MED13L: variants seen among roughly 807,000 people sequenced by gnomAD.
MED13L encodes the protein mediator complex subunit 13L.
Under a neutral mutation model 220.9 loss-of-function variants are expected in MED13L, and 7 were observed. The ratio of observed to expected loss-of-function variants is 0.03; its 90% confidence interval spans 0.02 to 0.06. MED13L has a LOEUF of 0.06. Among genes scored for constraint, MED13L ranks in the 10% least tolerant of loss-of-function variants. The pLI is 1.00. For synonymous variants in MED13L, 1,011 were observed against 1,015.2 expected (o/e 1.00, Z 0.08); for missense variants, 1,965 against 2,760.5 (o/e 0.71, Z 6.46).
Position 115,961,287 on chromosome 12 carries a change from A to G in MED13L, c.6612T>C (p.Asn2204=). 1 of 1,614,218 alleles carries G rather than the reference A, an allele frequency of 6.2e-7. No homozygotes were observed. The highest frequency in any genetic ancestry group is 1.1e-5 in the South Asian group (1 of 91,088). Residue 2204 remains asparagine (N), a synonymous_variant, in exon 31 of 31, where the codon AAT becomes AAC. Coordinates refer to ENST00000281928, the MANE Select transcript of MED13L (RefSeq NM_015335.5). ...CCAATTAAAGTATATTCATGATGGC[A>G]TTGTACAACTGAGTGAGCACCACAA... ...VHFVVLTQLY[N]AIMNIL
intron 2 of MED13L, among the ~76,000 whole-genome samples, chr12:116,142,724 TTAC>T (rs999930829): frequency 7.2e-5 from 11 of 152,228 alleles, no homozygotes; most frequent in African/African-American, 2.6e-4. Context: ...TTCACTTTAT[TTAC>T]TACTAAGTTC....
chr12:116,092,482 A>T (rs777371698), intron 4 of MED13L, among the ~76,000 whole-genome samples: 3 of 152,116 alleles, frequency 2.0e-5, no homozygotes, highest in Non-Finnish European at 4.4e-5. Flanking sequence ...GTTATCTTTG[A>T]GGAGATAAAG....
At chr12:116,173,452 C>T (rs1879825318) in intron 2 of MED13L, among the ~76,000 whole-genome samples, 1 of 152,094 alleles carries the variant, frequency 6.6e-6, no homozygotes, top group Non-Finnish European at 1.5e-5. Flanking sequence ...TTTAATAAGG[C>T]ACAGGACTGT....
intron 2 of MED13L, among the ~76,000 whole-genome samples, chr12:116,215,844 G>A (rs1266163031): frequency 6.6e-6 from 1 of 152,046 alleles, no homozygotes; most frequent in Admixed American, 6.6e-5. Context: ...TACCATCAAT[G>A]TCCCAGCCCC....
In MED13L at chr12:116,136,479, A is replaced by G. The variant is rs1876567446; in HGVS notation, c.311-24967T>C. On this transcript the variant is annotated intron_variant, in intron 2 of 30. Coordinates refer to ENST00000281928, the MANE Select transcript of MED13L (RefSeq NM_015335.5). ...ATGAGAGAGAGGGAGAGAGAGAGAA[A>G]GAACGATGCATTCACGCCAAATGAA... Among the ~76,000 whole-genome samples the G allele has an allele frequency of 2.0e-5, 3 of 152,318 alleles. No individual in the cohort carries two copies. In the South Asian group the frequency reaches 6.2e-4, roughly 32 times the overall value.
chr12:116,062,010 A>G (rs1404170393), intron 4 of MED13L, among the ~76,000 whole-genome samples: 108 of 2,564 alleles, frequency 0.042, no homozygotes, highest in African/African-American at 0.21. Context: ...TCCACATCGA[A>G]AAAAAAAAAA....
At position 116,272,568 on chromosome 12, in the gene MED13L, C is replaced by CA. The variant is rs879270242; in HGVS notation, c.72+4491dup. On this transcript the variant is annotated intron_variant, in intron 1 of 30. Transcript: ENST00000281928. ...CTCTGGTCTCAAAAAAAAACCAAAA[C>CA]AAAAAAAAAAAATGATAAGCTATAT... Among the ~76,000 whole-genome samples the CA allele has an allele frequency of 4.9e-3, 684 of 138,558 alleles. 2 individuals are homozygous for CA. The highest frequency in any genetic ancestry group is 7.9e-3 in the Admixed American group (110 of 13,956). The allele number at this position is 138,558 out of a possible 152,430, so 90.9% of individuals were successfully genotyped here. A position where few individuals can be genotyped will look rare whatever the true frequency, so the allele number is the denominator to read the frequency against.
In MED13L at chr12:115,982,470, T is replaced by C; in HGVS notation, c.5089A>G (p.Asn1697Asp). The stretch of plus-strand genomic sequence containing the variant: ...CGCATCAAGCTCAACAGCCAAAAGT[T>C]CCCAGAAGTGGAGTCCTCCTCTGCA... ...YAAEEDSTSG[N>D]FWLLSLMRCY... The change falls in exon 22 of 31, where the codon AAC becomes GAC. Residue 1697 changes from asparagine to aspartate, a missense_variant. Physicochemically the swap from Asn to Asp is conservative, Grantham distance 23. Transcript: ENST00000281928. 1 of 1,614,108 alleles carries C rather than the reference T, an allele frequency of 6.2e-7. No individual in the cohort carries two copies. The highest frequency in any genetic ancestry group is 8.5e-7 in the Non-Finnish European group (1 of 1,180,008).
chr12:116,149,045 T>A (rs970241073), intron 2 of MED13L, among the ~76,000 whole-genome samples: 1 of 152,220 alleles, frequency 6.6e-6, no homozygotes, highest in Non-Finnish European at 1.5e-5. Context: ...CAACTCATTG[T>A]TTGAGATACT....
At chr12:116,109,811 G>T (rs946409669) in intron 3 of MED13L, among the ~76,000 whole-genome samples, 2 of 152,134 alleles carry the variant, frequency 1.3e-5, no homozygotes, top group African/African-American at 4.8e-5. Flanking sequence ...GTACACCTTA[G>T]TAACAGATGA....
At chr12:116,233,864 G>C (rs1195179873) in intron 2 of MED13L, among the ~76,000 whole-genome samples, 2 of 152,166 alleles carry the variant, frequency 1.3e-5, no homozygotes, top group Non-Finnish European at 2.9e-5. Flanking sequence ...GTTTATCCAA[G>C]TGACAAGGAC....
chr12:116,183,027 T>C (rs1344639092), intron 2 of MED13L, among the ~76,000 whole-genome samples: 1 of 152,180 alleles, frequency 6.6e-6, no homozygotes, highest in Non-Finnish European at 1.5e-5. Flanking sequence ...TATTTTTGCA[T>C]GTATTTCTTA....
intron 2 of MED13L, among the ~76,000 whole-genome samples, chr12:116,178,334 G>A (rs1375260958): frequency 6.6e-6 from 1 of 152,060 alleles, no homozygotes; most frequent in Non-Finnish European, 1.5e-5. Context: ...GTACTCTTTG[G>A]CAAATAATTC....
intron 2 of MED13L, among the ~76,000 whole-genome samples, chr12:116,155,180 T>C (rs756750973): frequency 8.5e-5 from 13 of 152,082 alleles, no homozygotes; most frequent in Non-Finnish European, 1.3e-4. Flanking sequence ...TCACAGCACT[T>C]TGGGAGGCCA....
intron 4 of MED13L, among the ~76,000 whole-genome samples, chr12:116,060,580 A>AG (rs1320110952): frequency 7.5e-6 from 1 of 133,972 alleles, no homozygotes. Flanking sequence ...ACTCCAAGGG[A>AG]AAAAAAAAAA....
At chr12:116,177,966 C>T (rs990323084) in intron 2 of MED13L, among the ~76,000 whole-genome samples, 6 of 152,126 alleles carry the variant, frequency 3.9e-5, no homozygotes, top group African/African-American at 1.4e-4. Flanking sequence ...GGTGATGCTC[C>T]CCTGTCAGCC....
At chr12:115,996,250 C>T (rs1489582766) in intron 16 of MED13L, among the ~76,000 whole-genome samples, 1 of 152,050 alleles carries the variant, frequency 6.6e-6, no homozygotes, top group African/African-American at 2.4e-5. Context: ...GCCACCAAGC[C>T]CAGCTAATTT....
chr12:116,249,455 T>TA lies in MED13L; in HGVS notation c.73-11751dup, dbSNP rs558455641. On this transcript the variant is annotated intron_variant, in intron 1 of 30. Coordinates refer to ENST00000281928, the MANE Select transcript of MED13L (RefSeq NM_015335.5). ...AACACTCACAATGTCCAGCAACCAA[T>TA]AAAAAATACCAGACATTCAAAAAGT... Among the ~76,000 whole-genome samples, 20 of 151,916 alleles carry TA rather than the reference T, an allele frequency of 1.3e-4. No individual in the cohort carries two copies. In the East Asian group the frequency reaches 3.7e-3, roughly 28 times the overall value.
intron 2 of MED13L, among the ~76,000 whole-genome samples, chr12:116,154,847 A>G (rs1160564799): frequency 2.0e-5 from 3 of 152,092 alleles, no homozygotes; most frequent in Admixed American, 1.3e-4. Context: ...TGTTTTTGAA[A>G]AAGAGTCTCA....
Sources: allele counts gnomAD v4.1 joint callset (sites outside exome capture counted in the v4.1 genomes callset), GRCh38; gene constraint gnomAD v4.1.1; transcripts MANE v1.5; gene names NCBI Gene and HGNC (gene_info 2026-07-23, HGNC 2026-07-21).